Variants in FABP12 observed in about 807,000 individuals in gnomAD.
FABP12 encodes the protein fatty acid binding protein 12, also known as fatty acid-binding protein 12.
A neutral mutation model predicts 13.7 loss-of-function variants in FABP12; 19 were observed. The observed-to-expected ratio is 1.39, with a 90% CI of 0.97 to 2.04. FABP12 has a LOEUF of 2.04. FABP12 is among the 30% of genes most tolerant of loss of function. The pLI is 0.00. For missense variants in FABP12, 182 were observed against 164.2 expected, an observed-to-expected ratio of 1.11 and a Z score of -0.59; for synonymous variants, 61 against 57.0, an observed-to-expected ratio of 1.07 and a Z score of -0.32.
intron 1 of FABP12, among the ~76,000 whole-genome samples, chr8:81,570,975 C>T (rs1382007095): frequency 6.6e-6 from 1 of 152,052 alleles, no homozygotes; most frequent in Non-Finnish European, 1.5e-5. Flanking sequence ...CCGTATGCCT[C>T]CTGCCACCGT....
intron 2 of FABP12, 36 bp from the exon 3 acceptor site, chr8:81,529,646 A>G (rs762417856): frequency 6.4e-7 from 1 of 1,562,498 alleles, no homozygotes; most frequent in Non-Finnish European, 8.7e-7. Context: ...ATCTTTTTGC[A>G]TAAAGAATTA....
At chr8:81,571,947 AT>A (rs11289237) in intron 1 of FABP12, among the ~76,000 whole-genome samples, 144,509 of 152,100 alleles carry the variant, frequency 0.95, 68,698 homozygotes, top group East Asian at 1. Flanking sequence ...CTATAACATT[AT>A]TTTTTTTCTT....
Position 81,544,362 on chromosome 8 carries a change from A to G in FABP12, c.-184-4619T>C, listed in dbSNP as rs535158015. 2.6e-5 allele frequency among the ~76,000 whole-genome samples: 4 copies of G among 152,340 alleles called. No homozygotes were observed. The South Asian group carries it at 6.2e-4, about 24-fold the overall frequency. On this transcript the variant is annotated intron_variant, in intron 1 of 5. Transcript: ENST00000692030. ...GGGAAAATTCGGCCTTGCCTTTTCC[A>G]GCTTCTGGTGGTTCCAGGTTCCCCT...
At chr8:81,541,165 CAAAAA>C (rs35883271) in intron 1 of FABP12, among the ~76,000 whole-genome samples, 1 of 91,380 alleles carries the variant, frequency 1.1e-5, no homozygotes, top group Non-Finnish European at 2.3e-5. Flanking sequence ...GACTCTGTCT[CAAAAA>C]AAAAAAAAAA....
At chr8:81,562,632 C>A (rs1357560999) in intron 1 of FABP12, among the ~76,000 whole-genome samples, 1 of 152,120 alleles carries the variant, frequency 6.6e-6, no homozygotes, top group Non-Finnish European at 1.5e-5. Context: ...GGTAGCCAGG[C>A]AGTACTCACT....
chr8:81,537,094 C>T (rs746961681), upstream of FABP12, among the ~76,000 whole-genome samples: 7 of 152,090 alleles, frequency 4.6e-5, no homozygotes, highest in Non-Finnish European at 8.8e-5. Context: ...CATCAAAAGA[C>T]ATTTTTATAT....
intron 1 of FABP12, among the ~76,000 whole-genome samples, chr8:81,563,036 G>T (rs1191671750): frequency 1.3e-5 from 2 of 152,222 alleles, no homozygotes; most frequent in Non-Finnish European, 2.9e-5. Context: ...TGGCCACAGG[G>T]GTGCTTGGGC....
intron 3 of FABP12, 166 bp downstream of exon 3, chr8:81,529,272 A>G (rs1465418884): frequency 2.9e-6 from 2 of 692,086 alleles, no homozygotes; most frequent in Non-Finnish European, 4.8e-6. Flanking sequence ...TTTCACAAGC[A>G]TCCCAGAAGA....
upstream of FABP12, among the ~76,000 whole-genome samples, chr8:81,537,600 T>C (rs1056953686): frequency 7.2e-5 from 11 of 152,174 alleles, no homozygotes; most frequent in Non-Finnish European, 1.6e-4. Context: ...GACCTAAATA[T>C]CTGCATGAGT....
intron 1 of FABP12, among the ~76,000 whole-genome samples, chr8:81,581,797 T>A (rs1250965586): frequency 6.6e-6 from 1 of 152,098 alleles, no homozygotes; most frequent in African/African-American, 2.4e-5. Flanking sequence ...TTAATCACAA[T>A]TAGACTGACT....
rs1808919871 is a variant in FABP12, at chr8:81,527,019, C to T, written c.348+1G>A. The T allele has an allele frequency of 2.5e-6, 4 of 1,590,662 alleles. No homozygotes were observed. Among genetic ancestry groups the T allele is most frequent in the Non-Finnish European group, 3.4e-6 (4 of 1,162,840 alleles). Reference sequence around the variant, plus strand: ...AAGAAAGCGAGGATGGGCTAACTCACCACCACCATTTTCCCATCCACCAGC... The same window carrying T: ...AAGAAAGCGAGGATGGGCTAACTCATCACCACCATTTTCCCATCCACCAGC... On this transcript the variant is annotated splice_donor_variant, in intron 4 of 4. Coordinates refer to ENST00000360464, the Ensembl canonical transcript of FABP12. LOFTEE classifies it high-confidence loss of function.
intron 2 of FABP12, 28 bp downstream of exon 2, chr8:81,531,215 A>G: frequency 6.5e-7 from 1 of 1,531,164 alleles, no homozygotes; most frequent in Non-Finnish European, 9.0e-7. Flanking sequence ...TTTTTACTGG[A>G]TATGATATGC....
intron 2 of FABP12, among the ~76,000 whole-genome samples, chr8:81,530,997 A>G (rs1443966750): frequency 6.6e-6 from 1 of 152,230 alleles, no homozygotes; most frequent in African/African-American, 2.4e-5. Flanking sequence ...TTTGTTTTAA[A>G]ACATTTATTA....
intron 1 of FABP12, among the ~76,000 whole-genome samples, chr8:81,550,333 A>G (rs980731410): frequency 6.6e-6 from 1 of 152,218 alleles, no homozygotes; most frequent in African/African-American, 2.4e-5. Flanking sequence ...ATGCTGACCC[A>G]GTGACCTGAT....
rs538509149 is a variant in FABP12, at chr8:81,549,267, C to A, written c.-184-9524G>T. ...CACACACACACATGCACGTACACAC[C>A]CTGGTTGGTTCTGTTTCTCTGGAAA... On this transcript the variant is annotated intron_variant, in intron 1 of 5. Coordinates refer to the FABP12 transcript ENST00000692030. Among the ~76,000 whole-genome samples the A allele has an allele frequency of 1.5e-3, 221 of 151,778 alleles. 1 individual carries two copies. Among genetic ancestry groups the A allele is most frequent in the African/African-American group, 5.2e-3 (214 of 41,336 alleles).
intron 1 of FABP12, among the ~76,000 whole-genome samples, chr8:81,553,623 C>T (rs767177011): frequency 7.2e-5 from 11 of 152,102 alleles, no homozygotes; most frequent in East Asian, 1.9e-4. Flanking sequence ...GATTATTTGG[C>T]GGCAGAATGG....
At chr8:81,579,118 G>A (rs1299492893) in intron 1 of FABP12, among the ~76,000 whole-genome samples, 3 of 152,060 alleles carry the variant, frequency 2.0e-5, no homozygotes, top group Admixed American at 6.5e-5. Flanking sequence ...GTGAGCCACC[G>A]CGCCCAGCCT....
intron 3 of FABP12, among the ~76,000 whole-genome samples, chr8:81,527,883 T>C (rs1390665551): frequency 6.6e-6 from 1 of 151,996 alleles, no homozygotes; most frequent in Non-Finnish European, 1.5e-5. Context: ...CACCTGAGCC[T>C]GGGTGGTTGA....
At chr8:81,539,959 C>A (rs1351782496) in intron 1 of FABP12, among the ~76,000 whole-genome samples, 1 of 152,198 alleles carries the variant, frequency 6.6e-6, no homozygotes, top group African/African-American at 2.4e-5. Context: ...GGTTCTCAAG[C>A]CTGACTTGCA....
Sources: allele counts gnomAD v4.1 joint callset (sites outside exome capture counted in the v4.1 genomes callset), GRCh38; gene constraint gnomAD v4.1.1; transcripts MANE v1.5; gene names NCBI Gene and HGNC (gene_info 2026-07-23, HGNC 2026-07-21).